The following TBC1D14 variants were observed in gnomAD, a reference collection of about 807,000 sequenced individuals.
The protein encoded by TBC1D14 is TBC1 domain family, member 14.
In TBC1D14, 26 loss-of-function variants were observed where a neutral mutation model predicts 79.0. The ratio of observed to expected loss-of-function variants is 0.33; its 90% confidence interval spans 0.24 to 0.46. The LOEUF is 0.46. TBC1D14 is among the 20% of genes least tolerant of loss of function. TBC1D14 has a pLI of 1.00. For missense variants in TBC1D14, 769 were observed against 887.6 expected (o/e 0.87, Z 1.70); for synonymous variants, 394 against 349.9 (o/e 1.13, Z -1.40).
intron 2 of TBC1D14, among the ~76,000 whole-genome samples, chr4:6,965,966 AC>A (rs1389926697): frequency 1.3e-5 from 2 of 152,124 alleles, no homozygotes; most frequent in African/African-American, 4.8e-5. Flanking sequence ...AGCTTTCCCC[AC>A]TGGTGTAAGC....
At chr4:6,925,864 G>A (rs927164848) in intron 2 of TBC1D14, among the ~76,000 whole-genome samples, 3 of 152,146 alleles carry the variant, frequency 2.0e-5, no homozygotes, top group Non-Finnish European at 4.4e-5. Context: ...CCCGTTCCAC[G>A]CGGACCTCAG....
At chr4:7,006,789 G>T in intron 9 of TBC1D14, 63 bp downstream of exon 9, 1 of 1,477,264 alleles carries the variant, frequency 6.8e-7, no homozygotes, top group Non-Finnish European at 9.3e-7. Context: ...ATGCTGAACT[G>T]TGTATATTTG....
At chr4:6,998,564 A>G (rs578226209) in intron 5 of TBC1D14, among the ~76,000 whole-genome samples, 50 of 150,350 alleles carry the variant, frequency 3.3e-4, no homozygotes, top group African/African-American at 1.1e-3. Context: ...TTTGAGGTGT[A>G]GTCTCGCTCT....
intron 1 of TBC1D14, among the ~76,000 whole-genome samples, chr4:6,919,345 C>T (rs940848957): frequency 1.5e-4 from 23 of 152,032 alleles, no homozygotes; most frequent in African/African-American, 5.5e-4. Flanking sequence ...GGGGTTTCAC[C>T]ATGTTGGTCA....
chr4:6,955,349 G>A (rs566168475), intron 2 of TBC1D14, among the ~76,000 whole-genome samples: 147 of 152,320 alleles, frequency 9.7e-4, no homozygotes, highest in African/African-American at 3.4e-3. Flanking sequence ...AGGAGGAAGC[G>A]TCTTAGCCTC....
intron 2 of TBC1D14, among the ~76,000 whole-genome samples, chr4:6,939,982 C>A (rs1335593010): frequency 6.6e-6 from 1 of 152,242 alleles, no homozygotes; most frequent in African/African-American, 2.4e-5. Flanking sequence ...GAAATGGGCA[C>A]CAGCGGCCTG....
intron 9 of TBC1D14, chr4:7,007,561 A>T (rs1321631277): frequency 1.6e-6 from 2 of 1,289,234 alleles, no homozygotes; most frequent in Non-Finnish European, 2.0e-6. Context: ...GGTCTTCAGA[A>T]ATCTTTTCAG....
intron 2 of TBC1D14, among the ~76,000 whole-genome samples, chr4:6,945,804 A>G (rs1430351685): frequency 6.6e-6 from 1 of 151,010 alleles, no homozygotes; most frequent in East Asian, 2.0e-4. Context: ...AGCATTAAAG[A>G]AATGAGATAG....
At chr4:7,024,161 G>A (rs918920432) in intron 12 of TBC1D14, among the ~76,000 whole-genome samples, 4 of 152,206 alleles carry the variant, frequency 2.6e-5, no homozygotes, top group African/African-American at 9.6e-5. Flanking sequence ...CCAGTGTGCG[G>A]GGTTTTCTGT....
intron 3 of TBC1D14, chr4:6,987,222 C>G: frequency 1.6e-6 from 2 of 1,245,104 alleles, no homozygotes; most frequent in Admixed American, 4.3e-5. Flanking sequence ...CCGCCCCGCC[C>G]CGCGAGTCTG....
intron 6 of TBC1D14, among the ~76,000 whole-genome samples, chr4:7,000,688 G>C (rs954981751): frequency 2.6e-5 from 4 of 152,182 alleles, no homozygotes; most frequent in African/African-American, 9.7e-5. Flanking sequence ...GGCCTGTATT[G>C]GTGGTGCGAT....
chr4:6,914,109 C>T (rs1723208324), intron 1 of TBC1D14, among the ~76,000 whole-genome samples: 1 of 148,708 alleles, frequency 6.7e-6, no homozygotes, highest in South Asian at 2.2e-4. Context: ...ATCTGTACTG[C>T]AGCCTGGGTG....
At chr4:6,991,367 C>G (rs112051278) in intron 3 of TBC1D14, among the ~76,000 whole-genome samples, 4 of 152,312 alleles carry the variant, frequency 2.6e-5, no homozygotes, top group African/African-American at 9.6e-5. Flanking sequence ...AGCGCGTGGC[C>G]TGTGACCCAG....
chr4:7,007,463 A>C, intron 9 of TBC1D14: 2 of 1,083,844 alleles, frequency 1.8e-6, no homozygotes, highest in South Asian at 1.3e-5. Flanking sequence ...TTGCGGGGGC[A>C]GTTGTTCTTG....
chr4:6,947,811 G>A (rs1392679754), intron 2 of TBC1D14, among the ~76,000 whole-genome samples: 2 of 152,168 alleles, frequency 1.3e-5, no homozygotes, highest in African/African-American at 4.8e-5. Flanking sequence ...TTTGGACTCA[G>A]TGACTTCATC....
At chr4:6,931,198 C>T (rs1711687325) in intron 2 of TBC1D14, among the ~76,000 whole-genome samples, 1 of 152,220 alleles carries the variant, frequency 6.6e-6, no homozygotes, top group Admixed American at 6.5e-5. Flanking sequence ...CACGCCCGGC[C>T]TCACTCTGGG....
Position 6,999,068 on chromosome 4 carries a change from T to C in TBC1D14, c.1046-17T>C, listed in dbSNP as rs375452927. 57 of 1,612,694 alleles carry C rather than the reference T, an allele frequency of 3.5e-5. No homozygotes were observed. The African/African-American group carries it at 6.3e-4, about 18-fold the overall frequency. ...ATCAGTTAGTAGATTGTTGTTTTTC[T>C]AAATTGTGATTTCTAGAGCTGAAAG... On this transcript the variant is annotated splice_polypyrimidine_tract_variant and intron_variant, in intron 5 of 13. Transcript: ENST00000409757.
At chr4:7,024,434 C>G (rs1449693649) in intron 12 of TBC1D14, among the ~76,000 whole-genome samples, 1 of 152,188 alleles carries the variant, frequency 6.6e-6, no homozygotes, top group African/African-American at 2.4e-5. Flanking sequence ...CCAGGAGCGT[C>G]TGGGAAGTCC....
chr4:6,949,605 C>T (rs1713830446), intron 2 of TBC1D14, among the ~76,000 whole-genome samples: 1 of 151,794 alleles, frequency 6.6e-6, no homozygotes, highest in Admixed American at 6.6e-5. Context: ...ATCGCTTGAA[C>T]CCGCGAGGCA....
Sources: allele counts gnomAD v4.1 joint callset (sites outside exome capture counted in the v4.1 genomes callset), GRCh38; gene constraint gnomAD v4.1.1; transcripts MANE v1.5; gene names NCBI Gene and HGNC (gene_info 2026-07-23, HGNC 2026-07-21).